The following SDK1 variants were observed in gnomAD, a reference collection of about 807,000 sequenced individuals.
The protein encoded by SDK1 is protein sidekick-1.
Under a neutral mutation model 245.5 loss-of-function variants are expected in SDK1, and 157 were observed. The ratio of observed to expected loss-of-function variants is 0.64; its 90% CI spans 0.56 to 0.73. The LOEUF (loss-of-function observed/expected upper bound fraction) is 0.73. Ranked by LOEUF, SDK1 falls within the 30% of genes least tolerant of loss-of-function variation. SDK1 has a pLI of 0.00. For synonymous variants in SDK1, 1,647 were observed against 1,278.5 expected, an observed-to-expected ratio of 1.29 and a Z score of -6.15; for missense variants, 3,583 against 3,002.3, an observed-to-expected ratio of 1.19 and a Z score of -4.52.
chr7:4,036,293 A>G (rs895273132), intron 17 of SDK1, among the ~76,000 whole-genome samples: 6 of 152,138 alleles, frequency 3.9e-5, no homozygotes, highest in African/African-American at 1.4e-4. Context: ...CTTTAGGTCG[A>G]CAGTTCTTCT....
Position 4,267,361 on chromosome 7 carries a change from T to C in SDK1, c.*1977T>C. On this transcript the variant is annotated 3_prime_UTR_variant, in exon 45 of 45. Transcript: ENST00000404826. The stretch of plus-strand genomic sequence containing the variant: ...TTCCTTCTTCCTTTTCTCCTCCTTT[T>C]TCTGAGTGGAGGGGGAAATATTCTA... 1.0e-6 allele frequency: 1 copy of C among 984,066 alleles called. No individual in the cohort carries two copies. The allele number at this position is 984,066 out of a possible 1,614,324, so 61.0% of individuals were successfully genotyped here.
intron 4 of SDK1, among the ~76,000 whole-genome samples, chr7:3,785,224 C>A (rs1780862822): frequency 6.6e-6 from 1 of 151,844 alleles, no homozygotes; most frequent in African/African-American, 2.4e-5. Flanking sequence ...AGGTGATGGT[C>A]CAAGAGTTAA....
chr7:3,827,507 G>C (rs1036174789), intron 5 of SDK1, among the ~76,000 whole-genome samples: 5 of 152,184 alleles, frequency 3.3e-5, no homozygotes, highest in African/African-American at 1.2e-4. Context: ...GAAAGACTCT[G>C]ATAACTGAGA....
chr7:3,544,022 C>G (rs374422835), intron 1 of SDK1, among the ~76,000 whole-genome samples: 3 of 152,208 alleles, frequency 2.0e-5, no homozygotes, highest in African/African-American at 7.2e-5. Context: ...CTTCCTCAAC[C>G]ATAACCATTG....
chr7:3,712,595 C>T (rs1368084910), intron 4 of SDK1, among the ~76,000 whole-genome samples: 1 of 152,160 alleles, frequency 6.6e-6, no homozygotes, highest in Admixed American at 6.5e-5. Context: ...TTGGGGACTG[C>T]TGCTCTACAG....
chr7:3,858,885 T>C (rs6462388), intron 5 of SDK1, among the ~76,000 whole-genome samples: 6,699 of 141,420 alleles, frequency 0.047, 576 homozygotes, highest in African/African-American at 0.17. Context: ...TTTTTTGAGA[T>C]AGAGTCTCAC....
chr7:3,918,084 C>G (rs1779447726), intron 5 of SDK1, among the ~76,000 whole-genome samples: 1 of 152,220 alleles, frequency 6.6e-6, no homozygotes, highest in South Asian at 2.1e-4. Context: ...CTTTCTTAGA[C>G]TGGATCTCAG....
chr7:3,304,873 A>G (rs1289226787), intron 1 of SDK1, among the ~76,000 whole-genome samples: 3 of 152,120 alleles, frequency 2.0e-5, no homozygotes, highest in Non-Finnish European at 4.4e-5. Flanking sequence ...CACTCCTAGA[A>G]TTGGTTTTAA....
intron 35 of SDK1, among the ~76,000 whole-genome samples, chr7:4,194,042 AT>A (rs1345681005): frequency 2.0e-5 from 3 of 152,122 alleles, no homozygotes; most frequent in African/African-American, 7.2e-5. Context: ...AGTCCTTAGC[AT>A]TTTTGGATCT....
chr7:4,152,037 A>G (rs1780417854), intron 30 of SDK1, among the ~76,000 whole-genome samples: 1 of 152,206 alleles, frequency 6.6e-6, no homozygotes, highest in Non-Finnish European at 1.5e-5. Context: ...GCCTTGGAAA[A>G]GTCCAACCCT....
intron 1 of SDK1, among the ~76,000 whole-genome samples, chr7:3,445,451 A>G (rs1048710513): frequency 2.0e-5 from 3 of 152,170 alleles, no homozygotes; most frequent in African/African-American, 7.2e-5. Context: ...ATCATCTTGA[A>G]TGGTTTAGTT....
chr7:3,547,450 C>T (rs947633612), intron 1 of SDK1, among the ~76,000 whole-genome samples: 1 of 152,026 alleles, frequency 6.6e-6, no homozygotes, highest in African/African-American at 2.4e-5. Flanking sequence ...TACTAACTGC[C>T]GTTATGATTA....
intron 4 of SDK1, among the ~76,000 whole-genome samples, chr7:3,777,211 G>A (rs1467947092): frequency 2.0e-5 from 3 of 152,180 alleles, no homozygotes; most frequent in Non-Finnish European, 4.4e-5. Context: ...TGCTCTAACT[G>A]CAGACCTGTG....
chr7:3,301,884 G>T lies in SDK1; in HGVS notation c.298G>T (p.Asp100Tyr). 8.8e-7 allele frequency: 1 copy of T among 1,136,836 alleles called. No homozygotes were observed. Among genetic ancestry groups the T allele is most frequent in the South Asian group, 4.2e-5 (1 of 23,544 alleles). 70.4% of individuals were successfully genotyped at this position (1,136,836 alleles called of 1,614,324 possible). A position where few individuals can be genotyped will look rare whatever the true frequency, so the allele number is the denominator to read the frequency against. The change falls in exon 1 of 45, where the codon GAT (aspartate) becomes TAT (tyrosine). Residue 100 changes from aspartate (D) to tyrosine (Y), a missense_variant and splice_region_variant. Coordinates refer to ENST00000404826, the MANE Select transcript of SDK1 (RefSeq NM_152744.4). ...QLHLLRALAQ[D>Y]DVAPYFKTEP... ...GCACTTGCTCCGGGCGCTGGCGCAAGGTAGGTGCGCGCGGGGTCGCGGGCC... is the reference window on the plus strand; with the variant it reads ...GCACTTGCTCCGGGCGCTGGCGCAATGTAGGTGCGCGCGGGGTCGCGGGCC...
chr7:4,017,954 T>C (rs759172175), intron 17 of SDK1, among the ~76,000 whole-genome samples: 6 of 152,122 alleles, frequency 3.9e-5, no homozygotes, highest in Non-Finnish European at 5.9e-5. Context: ...CGTGGCAGGC[T>C]TTCCACAGCA....
chr7:3,914,298 A>C (rs760778068), intron 5 of SDK1, among the ~76,000 whole-genome samples: 1 of 152,180 alleles, frequency 6.6e-6, no homozygotes, highest in African/African-American at 2.4e-5. Flanking sequence ...GTTCATGTCA[A>C]ATCTTTTCAA....
chr7:3,971,469 G>C lies in SDK1; in HGVS notation c.1718G>C (p.Arg573Pro), dbSNP rs1180793187. ...TCGTGACTTGTGTTTTTTTCAGATC[G>C]GACGTCCATCGTCCACCCTCCTGAG... is the stretch of plus-strand genomic sequence containing the variant. ...NASATLTVWN[R>P]TSIVHPPEDH... is the part of the protein sequence containing the mutation. Residue 573 changes from arginine (R) to proline (P), a missense_variant, in exon 12 of 45, where the codon CGG (arginine) becomes CCG (proline). Arg to Pro is a moderately radical substitution (Grantham distance 103). Coordinates refer to ENST00000404826, the MANE Select transcript of SDK1 (RefSeq NM_152744.4). 2 of 1,609,620 alleles carry C rather than the reference G, an allele frequency of 1.2e-6. No homozygotes were observed. Among genetic ancestry groups the C allele is most frequent in the African/African-American group, 2.7e-5 (2 of 74,820 alleles).
At chr7:4,172,918 G>C (rs1477267940) in intron 32 of SDK1, among the ~76,000 whole-genome samples, 1 of 152,150 alleles carries the variant, frequency 6.6e-6, no homozygotes, top group African/African-American at 2.4e-5. Context: ...AATCCAGTAT[G>C]ACCTTGTCAA....
Position 4,014,078 on chromosome 7 carries a change from G to A in SDK1, c.2420+1843G>A, listed in dbSNP as rs188365643. ...ACCCATCCACTAATGAGAATAATTG[G>A]CTGCCCTCTGTACCCAGCAGCACAG... On this transcript the variant is annotated intron_variant, in intron 16 of 44. Coordinates refer to ENST00000404826, the MANE Select transcript of SDK1 (RefSeq NM_152744.4). Among the ~76,000 whole-genome samples, 756 of 152,314 alleles carry A rather than the reference G, an allele frequency of 5.0e-3. 6 individuals are homozygous for A. The highest frequency in any genetic ancestry group is 0.017 in the African/African-American group (725 of 41,554).
Sources: gnomAD v4.1 joint callset for allele counts (sites outside exome capture counted in the v4.1 genomes callset) on GRCh38, gnomAD v4.1.1 for gene constraint, MANE v1.5 for transcripts, NCBI Gene and HGNC (gene_info 2026-07-23, HGNC 2026-07-21) for gene names.